Variants in VEGFD observed in about 807,000 individuals in gnomAD.
The protein encoded by VEGFD is vascular endothelial growth factor D, also known as c-fos induced growth factor (vascular endothelial growth factor D).
VEGFD carries 26 observed loss-of-function variants against 28.0 expected under a neutral mutation model. The ratio of observed to expected loss-of-function variants is 0.93; its 90% CI spans 0.68 to 1.29. The LOEUF is 1.29. VEGFD is among the 50% of genes most tolerant of loss of function. The pLI, the probability that VEGFD is intolerant of heterozygous loss-of-function variation, is 0.00. For missense variants in VEGFD, 294 were observed against 273.4 expected (o/e 1.08, Z -0.53); for synonymous variants, 93 against 95.5 (o/e 0.97, Z 0.15).
Position 15,357,990 on chromosome X carries a change from G to A in VEGFD, c.492+13C>T, listed in dbSNP as rs1411824224. 2.5e-6 allele frequency: 3 copies of A among 1,197,469 alleles called. No individual in the cohort carries two copies. Among genetic ancestry groups the A allele is most frequent in the Non-Finnish European group, 3.4e-6 (3 of 887,146 alleles). On this transcript the variant is annotated intron_variant, in intron 3 of 6. Coordinates refer to ENST00000297904, the MANE Select transcript of VEGFD (RefSeq NM_004469.5). ...GGGCTTTAGAGACGGCAGGCTTGCC[G>A]ATGTCCTTATACCTGTTTGGAAATG...
At chrX:15,368,035 G>GAAAGAAAGAAAGAAAGAAAGAAAGGA in intron 1 of VEGFD, among the ~76,000 whole-genome samples, 1 of 37,461 alleles carries the variant, frequency 2.7e-5, no homozygotes, top group South Asian at 1.6e-3. Context: ...AGAAAGGAAA[G>GAAAGAAAGAAAGAAAGAAAGAAAGGA]AAGAAAGAAA....
chrX:15,382,415 A>G lies in VEGFD; in HGVS notation c.90+1442T>C, dbSNP rs1179822553. ...GCTCTTTGAAAGAGCTGAGCAACCT[A>G]AAGAATATGACTTATGTCCAACAAT... On this transcript the variant is annotated intron_variant, in intron 1 of 6. Coordinates refer to ENST00000297904, the MANE Select transcript of VEGFD (RefSeq NM_004469.5). Among the ~76,000 whole-genome samples the G allele has an allele frequency of 2.7e-5, 3 of 112,222 alleles. No individual in the cohort carries two copies. In the East Asian group the frequency reaches 8.3e-4, roughly 31 times the overall value.
chrX:15,346,243 G>A lies in VEGFD; in HGVS notation c.955C>T (p.Pro319Ser). Residue 319 changes from proline to serine, a missense_variant, in exon 7 of 7, where the codon CCC becomes TCC. Transcript: ENST00000297904. The stretch of plus-strand genomic sequence containing the variant: ...CTTGCACATGGTCTGGTATGAAAGG[G>A]GCATCTGTCCTCACAGCTGTTGCAA... ...PDTCSCEDRC[P>S]FHTRPCASGK... 3.3e-6 allele frequency: 4 copies of A among 1,209,514 alleles called. No homozygotes were observed. Among genetic ancestry groups the A allele is most frequent in the Non-Finnish European group, 3.4e-6 (3 of 894,500 alleles).
intron 3 of VEGFD, among the ~76,000 whole-genome samples, chrX:15,355,954 A>C (rs1922857020): frequency 8.9e-6 from 1 of 112,299 alleles, no homozygotes; most frequent in Admixed American, 9.4e-5. Context: ...AGAGTAAATC[A>C]TTGTTGTTTG....
chrX:15,367,571 A>G (rs1923176795), intron 1 of VEGFD, among the ~76,000 whole-genome samples: 1 of 112,076 alleles, frequency 8.9e-6, no homozygotes. Context: ...CCACGTGAAA[A>G]TAATGAAACC....
intron 1 of VEGFD, among the ~76,000 whole-genome samples, chrX:15,379,228 T>C (rs1923509192): frequency 8.9e-6 from 1 of 112,332 alleles, no homozygotes; most frequent in Admixed American, 9.4e-5. Flanking sequence ...TCCAAGAGAA[T>C]TGAAACATTG....
In VEGFD at chrX:15,373,594, C is replaced by G. The variant is rs1001122473; in HGVS notation, c.90+10263G>C. On this transcript the variant is annotated intron_variant, in intron 1 of 6. Coordinates refer to ENST00000297904, the MANE Select transcript of VEGFD (RefSeq NM_004469.5). ...GCTTTAGGGTGAGTTATGGAAGGGA[C>G]ACATTTTACACAACTTTCCCTAGAT... Among the ~76,000 whole-genome samples, 5 of 111,618 alleles carry G rather than the reference C, an allele frequency of 4.5e-5. No individual in the cohort carries two copies. In the South Asian group the frequency reaches 1.9e-3, roughly 42 times the overall value.
At chrX:15,361,828 T>TTTTC (rs200457322) in intron 2 of VEGFD, among the ~76,000 whole-genome samples, 8 of 110,699 alleles carry the variant, frequency 7.2e-5, no homozygotes, top group Middle Eastern at 4.7e-3. Flanking sequence ...CTCACACTGG[T>TTTTC]TTTCTTTCTT....
intron 1 of VEGFD, among the ~76,000 whole-genome samples, chrX:15,370,970 TTCTC>T (rs1184087853): frequency 9.1e-6 from 1 of 110,222 alleles, no homozygotes; most frequent in African/African-American, 3.3e-5. Context: ...GCCTCTCTCT[TTCTC>T]TCGTGCTCTC....
At chrX:15,351,313 G>A (rs1258448129) in intron 5 of VEGFD, among the ~76,000 whole-genome samples, 4 of 105,355 alleles carry the variant, frequency 3.8e-5, no homozygotes, top group East Asian at 3.0e-4. Flanking sequence ...TAGAGACGGG[G>A]TTTCACCGTT....
chrX:15,354,569 C>A (rs1163303004), intron 4 of VEGFD, among the ~76,000 whole-genome samples: 3 of 111,346 alleles, frequency 2.7e-5, no homozygotes, highest in African/African-American at 9.8e-5. Flanking sequence ...GTGATCCTTA[C>A]CTTTGGTTTT....
At chrX:15,357,259 T>C (rs1391943012) in intron 3 of VEGFD, among the ~76,000 whole-genome samples, 2 of 111,888 alleles carry the variant, frequency 1.8e-5, no homozygotes, top group African/African-American at 6.5e-5. Context: ...CAAATGTCTT[T>C]TGTGCTAGAT....
rs114283415 is a variant in VEGFD, at chrX:15,346,604, C to T, written c.939-345G>A. Among the ~76,000 whole-genome samples the T allele has an allele frequency of 8.8e-3, 983 of 112,337 alleles. 12 individuals carry two copies. The highest frequency in any genetic ancestry group is 0.03 in the African/African-American group (919 of 30,935). On this transcript the variant is annotated intron_variant, in intron 6 of 6. Coordinates refer to ENST00000297904, the MANE Select transcript of VEGFD (RefSeq NM_004469.5). The stretch of plus-strand genomic sequence containing the variant: ...TTATTATTAAGCAATATCCTAATAA[C>T]TGCTTAAATTTTACCAATTTCATTG...
At chrX:15,375,867 C>T (rs765489757) in intron 1 of VEGFD, among the ~76,000 whole-genome samples, 6 of 111,428 alleles carry the variant, frequency 5.4e-5, no homozygotes, top group Admixed American at 1.9e-4. Flanking sequence ...TCTAGCACTG[C>T]GGGAGATGGC....
At chrX:15,363,396 A>G in intron 1 of VEGFD, 77 bp from the exon 2 acceptor site, 1 of 827,062 alleles carries the variant, frequency 1.2e-6, no homozygotes, top group Non-Finnish European at 1.7e-6. Context: ...CATTTCTGAC[A>G]CTTAGAAGTG....
intron 3 of VEGFD, among the ~76,000 whole-genome samples, chrX:15,356,923 T>C (rs962949575): frequency 4.2e-4 from 47 of 112,023 alleles, no homozygotes; most frequent in African/African-American, 1.4e-3. Flanking sequence ...ATTAAGAAAA[T>C]TACCTAACAT....
At chrX:15,348,365 T>C (rs1421302962) in intron 5 of VEGFD, among the ~76,000 whole-genome samples, 1 of 112,403 alleles carries the variant, frequency 8.9e-6, no homozygotes, top group East Asian at 2.8e-4. Context: ...GTTTTATCCC[T>C]CCAACCTATT....
chrX:15,354,434 T>C (rs1016000091), intron 4 of VEGFD, among the ~76,000 whole-genome samples: 1 of 111,624 alleles, frequency 9.0e-6, no homozygotes, highest in East Asian at 2.8e-4. Context: ...ACTCTTTTAC[T>C]TGCCACTCAC....
chrX:15,359,441 C>T (rs1332708176), intron 2 of VEGFD, among the ~76,000 whole-genome samples: 1 of 97,457 alleles, frequency 1.0e-5, no homozygotes, highest in Non-Finnish European at 2.0e-5. Context: ...GTTTGTTACA[C>T]AGGTATGCAT....
Sources: allele counts gnomAD v4.1 joint callset (sites outside exome capture counted in the v4.1 genomes callset), GRCh38; gene constraint gnomAD v4.1.1; transcripts MANE v1.5; gene names NCBI Gene and HGNC (gene_info 2026-07-23, HGNC 2026-07-21).